OTC: variants seen among roughly 807,000 people sequenced by gnomAD.
OTC encodes the protein ornithine transcarbamylase, also known as ornithine transcarbamylase, mitochondrial.
OTC carries 3 observed loss-of-function variants against 30.3 expected under a neutral mutation model. That is an observed-to-expected ratio of 0.10 (90% CI 0.05 to 0.26). The LOEUF (loss-of-function observed/expected upper bound fraction) is 0.26. Ranked by LOEUF, OTC falls within the 10% of genes least tolerant of loss-of-function variation. OTC has a pLI of 1.00. For missense variants in OTC, 194 were observed against 260.3 expected, an observed-to-expected ratio of 0.75 and a Z score of 1.75; for synonymous variants, 111 against 99.7, an observed-to-expected ratio of 1.11 and a Z score of -0.67.
chrX:38,342,149 C>T, the OTC span, among the ~76,000 whole-genome samples: 2 of 106,807 alleles, frequency 1.9e-5, no homozygotes, highest in African/African-American at 3.4e-5. Flanking sequence ...CCTCTCGATG[C>T]ATAGCTGGGA....
intron 2 of OTC, among the ~76,000 whole-genome samples, chrX:38,368,587 G>A (rs1006833375): frequency 5.6e-5 from 6 of 107,870 alleles, no homozygotes; most frequent in Non-Finnish European, 1.1e-4. Flanking sequence ...ATTTATCTTC[G>A]AAAGACAATT....
chrX:38,377,489 T>TA (rs201246760), intron 3 of OTC, among the ~76,000 whole-genome samples: 2,420 of 110,916 alleles, frequency 0.022, 65 homozygotes, highest in African/African-American at 0.075. Context: ...AAACAGAGAC[T>TA]AAAAAAAATA....
intron 8 of OTC, among the ~76,000 whole-genome samples, chrX:38,411,431 C>T (rs960310889): frequency 6.6e-4 from 72 of 108,880 alleles, no homozygotes; most frequent in African/African-American, 2.1e-3. Context: ...CTTTGAGAGG[C>T]GAGGCGGGCG....
intron 1 of OTC, among the ~76,000 whole-genome samples, chrX:38,361,342 G>T (rs954704625): frequency 9.0e-6 from 1 of 111,660 alleles, no homozygotes; most frequent in Non-Finnish European, 1.9e-5. Context: ...GTTAAATTTG[G>T]ATTGAATGTA....
the OTC span, among the ~76,000 whole-genome samples, chrX:38,345,794 G>A: frequency 9.0e-6 from 1 of 110,767 alleles, no homozygotes; most frequent in Non-Finnish European, 1.9e-5. Context: ...TCCCACCTTG[G>A]CCTCCCAAAG....
upstream of OTC, among the ~76,000 whole-genome samples, chrX:38,348,881 G>C (rs2068201749): frequency 3.6e-5 from 4 of 111,751 alleles, no homozygotes; most frequent in Admixed American, 1.9e-4. Flanking sequence ...CTACAATTCA[G>C]AGCTTTTGTT....
chrX:38,372,403 T>TA (rs1251248818), intron 3 of OTC, among the ~76,000 whole-genome samples: 1 of 112,092 alleles, frequency 8.9e-6, no homozygotes, highest in African/African-American at 3.2e-5. Flanking sequence ...ACTATATATA[T>TA]TTTTAAATAC....
chrX:38,348,598 G>A (rs1285322737), upstream of OTC, among the ~76,000 whole-genome samples: 5 of 99,197 alleles, frequency 5.0e-5, no homozygotes, highest in African/African-American at 1.5e-4. Context: ...GTGCAGTGGC[G>A]CAATCTCGGC....
At chrX:38,333,848 C>T in the OTC span, among the ~76,000 whole-genome samples, 1 of 112,423 alleles carries the variant, frequency 8.9e-6, no homozygotes, top group Non-Finnish European at 1.9e-5. Context: ...GCTGGGAAAT[C>T]CCATAAGCAT....
chrX:38,379,661 G>A (rs183274176), intron 3 of OTC, among the ~76,000 whole-genome samples: 20 of 110,607 alleles, frequency 1.8e-4, no homozygotes, highest in Admixed American at 1.2e-3. Context: ...TGGAGATGGA[G>A]TCTTGCTCTG....
At chrX:38,384,992 C>T (rs1602022119) in intron 4 of OTC, among the ~76,000 whole-genome samples, 3 of 111,055 alleles carry the variant, frequency 2.7e-5, no homozygotes, top group African/African-American at 6.5e-5. Context: ...AGGCTGGGTG[C>T]GGTGGCTCAC....
At chrX:38,327,791 A>G in the OTC span, among the ~76,000 whole-genome samples, 1 of 112,998 alleles carries the variant, frequency 8.8e-6, no homozygotes, top group Non-Finnish European at 1.9e-5. Flanking sequence ...AAACGTCACA[A>G]ATCCCATACT....
Position 38,381,324 on chromosome X carries a change from C to CTTTTTTTTTTTTTTTTTT in OTC, c.299-8_299-7insTTTTTTTTTTTTTTTTTT. The CTTTTTTTTTTTTTTTTTT allele has an allele frequency of 1.1e-6, 1 of 940,648 alleles. No homozygotes were observed. 77.5% of individuals were successfully genotyped at this position (940,648 alleles called of 1,213,427 possible). A position where few individuals can be genotyped will look rare whatever the true frequency, so the allele number is the denominator to read the frequency against. On this transcript the variant is annotated splice_polypyrimidine_tract_variant and intron_variant, in intron 3 of 9. Coordinates refer to ENST00000039007, the MANE Select transcript of OTC (RefSeq NM_000531.6). The stretch of plus-strand genomic sequence containing the variant: ...GTTGTTTTTTCAAAATGATTTTTTT[C>CTTTTTTTTTTTTTTTTTT]TTTTTTTTTTATTGTAGGCTTTGCA...
intron 4 of OTC, among the ~76,000 whole-genome samples, chrX:38,394,352 CT>C (rs1188733303): frequency 8.9e-6 from 1 of 111,911 alleles, no homozygotes; most frequent in Non-Finnish European, 1.9e-5. Context: ...ACTAAGCAAT[CT>C]TGTTGGGGAA....
At chrX:38,397,560 G>C (rs1438726319) in intron 4 of OTC, among the ~76,000 whole-genome samples, 2 of 111,848 alleles carry the variant, frequency 1.8e-5, no homozygotes, top group Non-Finnish European at 3.8e-5. Flanking sequence ...TGCTGCCTTG[G>C]GACTTCTCTT....
the OTC span, among the ~76,000 whole-genome samples, chrX:38,332,523 T>TATATATATATAC: frequency 9.3e-5 from 8 of 86,405 alleles, 1 homozygote; most frequent in African/African-American, 3.5e-4. Flanking sequence ...TATATATATA[T>TATATATATATAC]ATATATATAT....
chrX:38,401,751 G>A (rs1330241272), intron 5 of OTC, among the ~76,000 whole-genome samples: 1 of 111,946 alleles, frequency 8.9e-6, no homozygotes, highest in Non-Finnish European at 1.9e-5. Context: ...AAATGGACAA[G>A]CCATATGTGA....
intron 4 of OTC, among the ~76,000 whole-genome samples, chrX:38,385,516 A>G (rs2068397819): frequency 9.0e-6 from 1 of 111,548 alleles, no homozygotes; most frequent in Non-Finnish European, 1.9e-5. Context: ...CAATAAAATG[A>G]CAGAGCCAGG....
intron 3 of OTC, among the ~76,000 whole-genome samples, chrX:38,376,184 A>G (rs2068347012): frequency 9.0e-6 from 1 of 111,010 alleles, no homozygotes; most frequent in East Asian, 2.8e-4. Flanking sequence ...TTTGATGGAA[A>G]TGAGAAGAGA....
Sources: allele counts gnomAD v4.1 joint callset (sites outside exome capture counted in the v4.1 genomes callset), GRCh38; gene constraint gnomAD v4.1.1; transcripts MANE v1.5; gene names NCBI Gene and HGNC (gene_info 2026-07-23, HGNC 2026-07-21).